The following NIPAL2 variants were observed in gnomAD, a reference collection of about 807,000 sequenced individuals.
NIPAL2 encodes the protein NIPA like domain containing 2, also known as NIPA-like protein 2.
NIPAL2 carries 43 observed loss-of-function variants against 48.9 expected under a neutral mutation model. That is an observed-to-expected ratio of 0.88 (90% CI 0.69 to 1.13). NIPAL2 has a LOEUF of 1.13. NIPAL2 is among the 50% of genes most tolerant of loss of function. The pLI is 0.00. For synonymous variants in NIPAL2, 167 were observed against 174.6 expected (o/e 0.96, Z 0.34); for missense variants, 446 against 461.4 (o/e 0.97, Z 0.31).
intron 1 of NIPAL2, among the ~76,000 whole-genome samples, chr8:98,264,518 C>T (rs144389635): frequency 0.15 from 23,045 of 149,622 alleles, 2,341 homozygotes; most frequent in Admixed American, 0.25. Flanking sequence ...CATGAGTGAA[C>T]TCCCATTCAC....
intron 2 of NIPAL2, among the ~76,000 whole-genome samples, chr8:98,253,537 A>G (rs1271785512): frequency 2.6e-5 from 4 of 152,220 alleles, no homozygotes; most frequent in Non-Finnish European, 1.5e-5. Context: ...GTTCAGTTAT[A>G]GTTCCTATTT....
intron 1 of NIPAL2, among the ~76,000 whole-genome samples, chr8:98,262,147 A>G (rs1814382678): frequency 1.4e-5 from 2 of 147,776 alleles, no homozygotes; most frequent in Admixed American, 1.4e-4. Flanking sequence ...ATGGAAAGGA[A>G]CAACCGGTAC....
intron 1 of NIPAL2, among the ~76,000 whole-genome samples, chr8:98,267,750 A>G (rs1814858153): frequency 6.6e-6 from 1 of 152,198 alleles, no homozygotes; most frequent in South Asian, 2.1e-4. Context: ...CCATAAGCTT[A>G]TGGGTTATTA....
intron 3 of NIPAL2, among the ~76,000 whole-genome samples, chr8:98,242,342 C>T (rs549288864): frequency 1.3e-5 from 2 of 152,010 alleles, no homozygotes; most frequent in South Asian, 2.1e-4. Context: ...TGTACTAACA[C>T]GCCTGGCTAG....
chr8:98,210,247 A>T (rs552891855), intron 6 of NIPAL2, among the ~76,000 whole-genome samples: 1 of 152,240 alleles, frequency 6.6e-6, no homozygotes, highest in African/African-American at 2.4e-5. Flanking sequence ...CATTTAAAGC[A>T]ATCAATCTCT....
chr8:98,248,592 AC>A (rs1813418420), intron 3 of NIPAL2, among the ~76,000 whole-genome samples: 1 of 152,196 alleles, frequency 6.6e-6, no homozygotes, highest in Non-Finnish European at 1.5e-5. Flanking sequence ...CAATGGCAGA[AC>A]TGATATTTGA....
rs535427261 is a variant in NIPAL2, at chr8:98,219,084, T to A, written c.558+3395A>T. 4.0e-4 allele frequency among the ~76,000 whole-genome samples: 61 copies of A among 152,140 alleles called. No homozygotes were observed. The South Asian group carries it at 0.012, about 31-fold the overall frequency. ...GTGAGGAATGAGGGTGAAGGAGAAG[T>A]CATGTGTAGTTTAGGTTTCCAGTAT... On this transcript the variant is annotated intron_variant, in intron 5 of 10. Transcript: ENST00000430223.
chr8:98,272,638 A>G, intron 1 of NIPAL2, among the ~76,000 whole-genome samples: 1 of 149,476 alleles, frequency 6.7e-6, no homozygotes, highest in Non-Finnish European at 1.5e-5. Context: ...TTTTTGAGAC[A>G]GAGTCTCACT....
chr8:98,292,136 C>A (rs1398456863), intron 1 of NIPAL2, among the ~76,000 whole-genome samples: 1 of 152,194 alleles, frequency 6.6e-6, no homozygotes. Context: ...GGCTAGTTAG[C>A]AACCAACATT....
chr8:98,270,372 C>T (rs1815057047), intron 1 of NIPAL2, among the ~76,000 whole-genome samples: 1 of 152,046 alleles, frequency 6.6e-6, no homozygotes, highest in Non-Finnish European at 1.5e-5. Context: ...TTAATAATAG[C>T]CATTCTGACT....
chr8:98,201,892 GA>G (rs879551657), intron 8 of NIPAL2, among the ~76,000 whole-genome samples: 6 of 149,504 alleles, frequency 4.0e-5, no homozygotes, highest in Non-Finnish European at 7.4e-5. Context: ...TCCATAAAAT[GA>G]AAAAAAAATG....
chr8:98,291,194 A>T (rs553804922), intron 1 of NIPAL2, among the ~76,000 whole-genome samples: 1 of 152,218 alleles, frequency 6.6e-6, no homozygotes, highest in South Asian at 2.1e-4. Context: ...GACTATATCC[A>T]AGACCCCAAA....
chr8:98,243,086 A>C (rs1813085469), intron 3 of NIPAL2, among the ~76,000 whole-genome samples: 1 of 152,190 alleles, frequency 6.6e-6, no homozygotes, highest in African/African-American at 2.4e-5. Context: ...ACCTTCTTCT[A>C]GTGTTTCCTT....
intron 1 of NIPAL2, 61 bp downstream of exon 1, chr8:98,293,942 C>G (rs1816626623): frequency 1.5e-6 from 2 of 1,345,526 alleles, no homozygotes; most frequent in Non-Finnish European, 1.9e-6. Flanking sequence ...CAGAGGCGCC[C>G]GGAGCCAGCC....
At chr8:98,283,345 C>T (rs141610810) in intron 1 of NIPAL2, among the ~76,000 whole-genome samples, 248 of 152,236 alleles carry the variant, frequency 1.6e-3, no homozygotes, top group African/African-American at 5.7e-3. Context: ...GCTTTTAACA[C>T]TTTGTCAAAT....
intron 1 of NIPAL2, among the ~76,000 whole-genome samples, chr8:98,282,382 T>C (rs79816599): frequency 6.6e-6 from 1 of 152,048 alleles, no homozygotes; most frequent in Non-Finnish European, 1.5e-5. Context: ...TTTGGAAGAC[T>C]CATCCTAGCT....
intron 1 of NIPAL2, among the ~76,000 whole-genome samples, chr8:98,269,381 CCA>C (rs1814984491): frequency 1.3e-5 from 2 of 152,284 alleles, no homozygotes; most frequent in South Asian, 4.1e-4. Context: ...ACTCATTGAT[CCA>C]TAGGCTGCAG....
Position 98,290,079 on chromosome 8 carries a change from T to C in NIPAL2, c.135+3924A>G, listed in dbSNP as rs1256534486. Among the ~76,000 whole-genome samples, 5 of 152,322 alleles carry C rather than the reference T, an allele frequency of 3.3e-5. No homozygotes were observed. In the South Asian group the frequency reaches 6.2e-4, roughly 19 times the overall value. On this transcript the variant is annotated intron_variant, in intron 1 of 10. Transcript: ENST00000430223. ...AAAGTAGTTTTGCAGTTAAACCCAC[T>C]TGCTGTAAGATCTTGGGGCAAGATA...
rs955151492 is a variant in NIPAL2 at position 98,217,202 on chromosome 8, T to C, written c.559-4701A>G. 11 of 985,322 alleles carry C rather than the reference T, an allele frequency of 1.1e-5. No homozygotes were observed. The East Asian group carries it at 4.5e-4, about 41-fold the overall frequency. The allele number at this position is 985,322 out of a possible 1,614,324, so 61.0% of individuals were successfully genotyped here. On this transcript the variant is annotated intron_variant, in intron 5 of 10. Transcript: ENST00000430223. ...CAAATCTTCCTTCCTTTCTTTTCTG[T>C]ACCAGATCAGAGGAAAAGCTCCTGA...
Sources: gnomAD v4.1 joint callset for allele counts (sites outside exome capture counted in the v4.1 genomes callset) on GRCh38, gnomAD v4.1.1 for gene constraint, MANE v1.5 for transcripts, NCBI Gene and HGNC (gene_info 2026-07-23, HGNC 2026-07-21) for gene names.